The following KIAA1549L variants were observed in gnomAD, a reference collection of about 807,000 sequenced individuals.
KIAA1549L encodes the protein UPF0606 protein KIAA1549L.
KIAA1549L carries 88 observed loss-of-function variants against 160.7 expected under a neutral mutation model. The ratio of observed to expected loss-of-function variants is 0.55; its 90% CI spans 0.46 to 0.65. The LOEUF is 0.65. KIAA1549L is among the 30% of genes least tolerant of loss of function. KIAA1549L has a pLI of 0.00. For synonymous variants in KIAA1549L, 950 were observed against 976.7 expected, an observed-to-expected ratio of 0.97 and a Z score of 0.51; for missense variants, 2,258 against 2,437.5, an observed-to-expected ratio of 0.93 and a Z score of 1.55.
intron 16 of KIAA1549L, among the ~76,000 whole-genome samples, chr11:33,635,926 A>G (rs1052476466): frequency 6.6e-6 from 1 of 152,208 alleles, no homozygotes; most frequent in African/African-American, 2.4e-5. Flanking sequence ...ACGGTCAACT[A>G]TGATCTGAAA....
intron 1 of KIAA1549L, among the ~76,000 whole-genome samples, chr11:33,434,436 C>T (rs1429809797): frequency 6.6e-6 from 1 of 152,174 alleles, no homozygotes; most frequent in Non-Finnish European, 1.5e-5. Context: ...CAAGGTGTGT[C>T]TTTATTAGCA....
intron 1 of KIAA1549L, among the ~76,000 whole-genome samples, chr11:33,396,646 C>CT (rs11462981): frequency 0.94 from 142,055 of 150,606 alleles, 67,033 homozygotes; most frequent in Middle Eastern, 0.99. Flanking sequence ...CATTAACTTT[C>CT]TTTTTTTTTC....
At chr11:33,473,083 TTGTGTC>T (rs756066943) in intron 1 of KIAA1549L, among the ~76,000 whole-genome samples, 52 of 152,178 alleles carry the variant, frequency 3.4e-4, no homozygotes, top group Admixed American at 5.9e-4. Flanking sequence ...ATAAATCAAA[TTGTGTC>T]TGTACTTCAG....
chr11:33,665,163 C>T (rs1852400175), intron 20 of KIAA1549L: 1 of 152,394 alleles, frequency 6.6e-6, no homozygotes, highest in East Asian at 1.9e-4. Context: ...GTGCTTTTGC[C>T]CGAGTTCTTG....
intron 1 of KIAA1549L, among the ~76,000 whole-genome samples, chr11:33,378,743 GGTTTTCTGTGGGTTTGCC>G (rs1850009768): frequency 6.6e-6 from 1 of 152,078 alleles, no homozygotes; most frequent in African/African-American, 2.4e-5. Context: ...TGAGCTCCAT[GGTTTTCTGTGGGTTTGCC>G]ACTGATTCAA....
intron 17 of KIAA1549L, among the ~76,000 whole-genome samples, chr11:33,651,497 T>TCAG (rs1851884172): frequency 5.5e-5 from 2 of 36,298 alleles, no homozygotes; most frequent in African/African-American, 6.8e-4. Context: ...TTGTGCCTCC[T>TCAG]TCTTCCCTGG....
intron 20 of KIAA1549L, among the ~76,000 whole-genome samples, chr11:33,667,478 T>C (rs890189108): frequency 6.6e-6 from 1 of 151,964 alleles, no homozygotes; most frequent in Non-Finnish European, 1.5e-5. Context: ...TTGCAGCCTC[T>C]GCCTCCCGGG....
intron 1 of KIAA1549L, among the ~76,000 whole-genome samples, chr11:33,398,680 G>A (rs1412095524): frequency 8.5e-5 from 13 of 152,114 alleles, no homozygotes; most frequent in Middle Eastern, 3.2e-3. Context: ...AAGAAAAATC[G>A]CCCATAGCCC....
intron 1 of KIAA1549L, among the ~76,000 whole-genome samples, chr11:33,444,526 G>T (rs978578109): frequency 3.3e-5 from 5 of 152,334 alleles, no homozygotes; most frequent in South Asian, 4.1e-4. Flanking sequence ...AGATCTGGGG[G>T]AAGATGGGAG....
At position 33,543,048 on chromosome 11, in the gene KIAA1549L, A is replaced by T; in HGVS notation, c.1485A>T (p.Ser495=). Reference sequence around the variant, plus strand: ...CTGGGGCGGTTCCCGCATCACCATCAACTGGGACAGCCGACTTTCCCTCCA... The same window carrying T: ...CTGGGGCGGTTCCCGCATCACCATCTACTGGGACAGCCGACTTTCCCTCCA... ...ILSGAVPASP[S]TGTADFPSIL... Residue 495 remains serine (S), a synonymous_variant, in exon 2 of 21, where the codon TCA becomes TCT. Coordinates refer to ENST00000658780, the MANE Select transcript of KIAA1549L (RefSeq NM_012194.3). 1 of 1,613,956 alleles carries T rather than the reference A, an allele frequency of 6.2e-7. No homozygotes were observed. Among genetic ancestry groups the T allele is most frequent in the East Asian group, 2.2e-5 (1 of 44,882 alleles).
intron 1 of KIAA1549L, among the ~76,000 whole-genome samples, chr11:33,498,107 A>G (rs1852861573): frequency 6.6e-6 from 1 of 152,190 alleles, no homozygotes; most frequent in Admixed American, 6.5e-5. Context: ...TGGGCAGCAT[A>G]GGGAGACCCA....
rs753380340 is a variant in KIAA1549L, at chr11:33,544,199, C to T, written c.2636C>T (p.Pro879Leu). 2 of 1,613,906 alleles carry T rather than the reference C, an allele frequency of 1.2e-6. No individual in the cohort carries two copies. The highest frequency in any genetic ancestry group is 1.6e-4 in the Middle Eastern group (1 of 6,084). ...SEISSDINSS[P>L]ERNASTPFQN... ...ATTTCCAGTGACATCAATTCATCAC[C>T]TGAGAGAAATGCTTCCACACCATTC... is the stretch of plus-strand genomic sequence containing the variant. Residue 879 changes from proline to leucine, a missense_variant, in exon 2 of 21, where the codon CCT (proline) becomes CTT (leucine). Around this residue, in one of 6 missense-constraint regions of KIAA1549L, gnomAD observed 287 missense variants for 292.3 expected, o/e 0.98. Coordinates refer to ENST00000658780, the MANE Select transcript of KIAA1549L (RefSeq NM_012194.3).
chr11:33,646,126 TA>T (rs1851718150), intron 17 of KIAA1549L, 90 bp downstream of exon 17: 1 of 998,966 alleles, frequency 1.0e-6, no homozygotes, highest in South Asian at 1.7e-5. Flanking sequence ...CTTCTACAGA[TA>T]AAAAGCTTTG....
intron 4 of KIAA1549L, among the ~76,000 whole-genome samples, chr11:33,548,316 T>C (rs1401097041): frequency 6.6e-6 from 1 of 152,124 alleles, no homozygotes; most frequent in Non-Finnish European, 1.5e-5. Flanking sequence ...GGAGAATCGC[T>C]TGAATCCAGG....
intron 17 of KIAA1549L, among the ~76,000 whole-genome samples, chr11:33,654,162 C>G (rs550020709): frequency 1.3e-4 from 19 of 151,410 alleles, no homozygotes; most frequent in African/African-American, 4.1e-4. Flanking sequence ...TTAGTAGAGA[C>G]GGGGTTTCAC....
intron 11 of KIAA1549L, among the ~76,000 whole-genome samples, chr11:33,591,000 TAC>T (rs569058374): frequency 6.6e-6 from 1 of 152,258 alleles, no homozygotes; most frequent in Non-Finnish European, 1.5e-5. Flanking sequence ...ACATGTTGTT[TAC>T]AGTCTTCATT....
At chr11:33,467,205 T>C (rs894619981) in intron 1 of KIAA1549L, among the ~76,000 whole-genome samples, 3 of 151,836 alleles carry the variant, frequency 2.0e-5, no homozygotes, top group African/African-American at 4.8e-5. Flanking sequence ...TGTATAAGAG[T>C]GCTGCTTGAA....
chr11:33,636,294 A>G (rs923478128), intron 16 of KIAA1549L, among the ~76,000 whole-genome samples: 2 of 151,530 alleles, frequency 1.3e-5, no homozygotes, highest in Admixed American at 6.6e-5. Flanking sequence ...CTTAGTAAGG[A>G]AAGAAAAAAA....
intron 16 of KIAA1549L, among the ~76,000 whole-genome samples, chr11:33,632,897 T>A (rs1851336621): frequency 6.6e-6 from 1 of 152,006 alleles, no homozygotes; most frequent in Non-Finnish European, 1.5e-5. Context: ...GTTGGGCATT[T>A]TAAGGAACAC....
Sources: allele counts gnomAD v4.1 joint callset (sites outside exome capture counted in the v4.1 genomes callset), GRCh38; gene constraint gnomAD v4.1.1; regional missense constraint gnomAD v4.1.1; transcripts MANE v1.5; gene names NCBI Gene and HGNC (gene_info 2026-07-23, HGNC 2026-07-21).